SYTL2: variants seen among roughly 807,000 people sequenced by gnomAD.
SYTL2 encodes synaptotagmin-like protein 2.
Under a neutral mutation model 198.7 loss-of-function variants are expected in SYTL2, and 165 were observed. The observed-to-expected ratio is 0.83, with a 90% confidence interval of 0.73 to 0.94. SYTL2 has a LOEUF of 0.94. SYTL2 is among the 40% of genes least tolerant of loss of function. SYTL2 has a pLI of 0.00. For missense variants in SYTL2, 2,835 were observed against 2,582.8 expected (o/e 1.10, Z -2.12); for synonymous variants, 966 against 917.7 (o/e 1.05, Z -0.95).
intron 4 of SYTL2, among the ~76,000 whole-genome samples, chr11:85,741,802 T>G (rs1165450320): frequency 6.6e-6 from 1 of 152,120 alleles, no homozygotes; most frequent in African/African-American, 2.4e-5. Context: ...GCTAAAGATG[T>G]GGCTTTAATT....
chr11:85,829,312 T>C, the SYTL2 span, among the ~76,000 whole-genome samples: 1 of 152,164 alleles, frequency 6.6e-6, no homozygotes, highest in Admixed American at 6.5e-5. Flanking sequence ...CTCCCACTTA[T>C]AAGTGATAGC....
In SYTL2 at chr11:85,694,461, CAT is replaced by C. The variant is rs1300178479; in HGVS notation, c.*732_*733del. Reference sequence around the variant, plus strand: ...ATAGTAAAGTTATAAGAAAAACAATCATATATATGCAGGGTTTTAAAAAAATA... The same window carrying C: ...ATAGTAAAGTTATAAGAAAAACAATCATATATGCAGGGTTTTAAAAAAATA... On this transcript the variant is annotated 3_prime_UTR_variant, in exon 20 of 20. Coordinates refer to ENST00000359152, the MANE Select transcript of SYTL2 (RefSeq NM_206927.4). The C allele has an allele frequency of 6.6e-6, 1 of 152,132 alleles. No individual in the cohort carries two copies. The highest frequency in any genetic ancestry group is 1.5e-5 in the Non-Finnish European group (1 of 68,016). 9.4% of individuals were successfully genotyped at this position (152,132 alleles called of 1,614,324 possible).
the SYTL2 span, among the ~76,000 whole-genome samples, chr11:85,850,907 T>A: frequency 1.3e-5 from 2 of 150,012 alleles, no homozygotes; most frequent in Non-Finnish European, 3.0e-5. Context: ...ATCATCATTC[T>A]CAGTAAACTA....
chr11:85,811,403 GT>G (rs1467953513), upstream of SYTL2, among the ~76,000 whole-genome samples: 1 of 152,114 alleles, frequency 6.6e-6, no homozygotes, highest in East Asian at 1.9e-4. Context: ...GAAACAACCT[GT>G]TTTCTGTGCA....
At chr11:85,830,009 A>C in the SYTL2 span, among the ~76,000 whole-genome samples, 2 of 152,198 alleles carry the variant, frequency 1.3e-5, no homozygotes, top group African/African-American at 4.8e-5. Context: ...TCCAACTAAG[A>C]CCAGAAACCA....
chr11:85,713,208 A>T (rs2086619565), intron 12 of SYTL2, among the ~76,000 whole-genome samples: 1 of 152,238 alleles, frequency 6.6e-6, no homozygotes, highest in African/African-American at 2.4e-5. Context: ...TGCCCAGGCC[A>T]GTGACAGAAT....
At chr11:85,795,072 T>A (rs973501782) in intron 1 of SYTL2, among the ~76,000 whole-genome samples, 2 of 152,154 alleles carry the variant, frequency 1.3e-5, no homozygotes, top group Non-Finnish European at 2.9e-5. Flanking sequence ...AAATATCTAC[T>A]TAAAATTGTG....
At chr11:85,843,808 A>T in the SYTL2 span, among the ~76,000 whole-genome samples, 1 of 152,212 alleles carries the variant, frequency 6.6e-6, no homozygotes, top group Admixed American at 6.5e-5. Flanking sequence ...CCTGAGAAGT[A>T]TGCAATATTA....
At position 85,757,968 on chromosome 11, in the gene SYTL2, G is replaced by A; in HGVS notation, c.-243C>T. 1 of 475,448 alleles carries A rather than the reference G, an allele frequency of 2.1e-6. No individual in the cohort carries two copies. The highest frequency in any genetic ancestry group is 3.8e-6 in the Non-Finnish European group (1 of 261,722). The allele number at this position is 475,448 out of a possible 1,614,324, so 29.5% of individuals were successfully genotyped here. A position where few individuals can be genotyped will look rare whatever the true frequency, so the allele number is the denominator to read the frequency against. On this transcript the variant is annotated 5_prime_UTR_variant, in exon 2 of 20. Coordinates refer to ENST00000359152, the MANE Select transcript of SYTL2 (RefSeq NM_206927.4). ...AGTGTCGAGAAGAGGCTCTCAGAAGGATGCTGTATTCCTTGCCAAACAGGT... is the reference window on the plus strand; with the variant it reads ...AGTGTCGAGAAGAGGCTCTCAGAAGAATGCTGTATTCCTTGCCAAACAGGT...
At chr11:85,695,361 A>G in intron 19 of SYTL2, 21 bp from the exon 20 acceptor site, 2 of 1,541,948 alleles carry the variant, frequency 1.3e-6, no homozygotes, top group Non-Finnish European at 1.8e-6. Context: ...GAAGCTTTGC[A>G]TTTAGAAAGA....
At chr11:85,711,006 G>A (rs918796583) in intron 13 of SYTL2, 107 bp downstream of exon 13, 2 of 1,224,996 alleles carry the variant, frequency 1.6e-6, no homozygotes, top group African/African-American at 3.1e-5. Context: ...GAAACTGTTT[G>A]TGCCCTGAGA....
upstream of SYTL2, among the ~76,000 whole-genome samples, chr11:85,811,654 A>G (rs1298851902): frequency 6.6e-6 from 1 of 152,176 alleles, no homozygotes; most frequent in Non-Finnish European, 1.5e-5. Flanking sequence ...TGTTGAGAGG[A>G]CTAAATGAAG....
At chr11:85,823,602 C>T in the SYTL2 span, among the ~76,000 whole-genome samples, 12 of 152,130 alleles carry the variant, frequency 7.9e-5, no homozygotes, top group Non-Finnish European at 1.5e-4. Context: ...ATTTTTAAAA[C>T]ACTTGTGGTC....
In SYTL2 at chr11:85,724,865, C is replaced by T. The variant is rs2088898554; in HGVS notation, c.4493G>A (p.Ser1498Asn). The change falls in exon 8 of 20, where the codon AGT (serine) becomes AAT (asparagine). Residue 1498 changes from serine (S) to asparagine (N), a missense_variant. Ser to Asn is a conservative substitution (Grantham distance 46). Coordinates refer to ENST00000359152, the MANE Select transcript of SYTL2 (RefSeq NM_206927.4). ...CTTCAGTAGTTTTTCTAAGCCAGCA[C>T]TGAATTCGAGGAACTCTGATTTGGG... ...VQPKSEFLEF[S>N]AGLEKLLKEE... 3.7e-6 allele frequency: 6 copies of T among 1,614,090 alleles called. No homozygotes were observed. Among genetic ancestry groups the T allele is most frequent in the South Asian group, 1.1e-5 (1 of 91,044 alleles).
intron 1 of SYTL2, among the ~76,000 whole-genome samples, chr11:85,775,497 T>G (rs2092437174): frequency 6.6e-6 from 1 of 152,168 alleles, no homozygotes; most frequent in Non-Finnish European, 1.5e-5. Flanking sequence ...TATTTATTTA[T>G]TTAGAGACAG....
chr11:85,784,016 T>A (rs2092601099), intron 1 of SYTL2, among the ~76,000 whole-genome samples: 1 of 152,202 alleles, frequency 6.6e-6, no homozygotes, highest in Non-Finnish European at 1.5e-5. Context: ...TCTTTACCTA[T>A]CTGATGGGCA....
At chr11:85,836,822 G>C in the SYTL2 span, among the ~76,000 whole-genome samples, 1 of 152,068 alleles carries the variant, frequency 6.6e-6, no homozygotes, top group Non-Finnish European at 1.5e-5. Flanking sequence ...GTTTGGAAAT[G>C]TGTATACACA....
rs1255004726 is a variant in SYTL2, at chr11:85,789,362, ATATATATATATATATG to A, written c.-390+21576_-390+21591del. 7.2e-3 allele frequency among the ~76,000 whole-genome samples: 418 copies of A among 58,058 alleles called. 4 individuals carry two copies. The highest frequency in any genetic ancestry group is 0.019 in the African/African-American group (249 of 13,426). The allele number at this position is 58,058 out of a possible 152,430, so 38.1% of individuals were successfully genotyped here. ...TGTGTATATATATATATATATATAT[ATATATATATATATATG>A]TATATATATATATATATATATAATT... On this transcript the variant is annotated intron_variant, in intron 1 of 19. Coordinates refer to ENST00000359152, the MANE Select transcript of SYTL2 (RefSeq NM_206927.4).
chr11:85,791,451 T>C (rs1183326484), intron 1 of SYTL2, among the ~76,000 whole-genome samples: 1 of 152,158 alleles, frequency 6.6e-6, no homozygotes, highest in Non-Finnish European at 1.5e-5. Flanking sequence ...GCTATGTGAC[T>C]CACTAGCTTT....
Sources: gnomAD v4.1 joint callset for allele counts (sites outside exome capture counted in the v4.1 genomes callset) on GRCh38, gnomAD v4.1.1 for gene constraint, MANE v1.5 for transcripts, NCBI Gene and HGNC (gene_info 2026-07-23, HGNC 2026-07-21) for gene names.